MGAT4C: variants seen among roughly 807,000 people sequenced by gnomAD.
MGAT4C encodes MGAT4 family member C.
A neutral mutation model predicts 40.1 loss-of-function variants in MGAT4C; 19 were observed. The observed-to-expected ratio is 0.47, with a 90% confidence interval of 0.33 to 0.70. The LOEUF is 0.70. Among genes scored for constraint, MGAT4C ranks in the 30% least tolerant of loss-of-function variants. MGAT4C has a pLI of 0.02. For missense variants in MGAT4C, 491 were observed against 563.2 expected (o/e 0.87, Z 1.30); for synonymous variants, 181 against 187.1 (o/e 0.97, Z 0.27).
intron 2 of MGAT4C, among the ~76,000 whole-genome samples, chr12:86,544,300 TA>T (rs1194664420): frequency 6.6e-6 from 1 of 152,170 alleles, no homozygotes; most frequent in Non-Finnish European, 1.5e-5. Flanking sequence ...GTTTGATTAT[TA>T]TTTTTTGGAA....
In MGAT4C at chr12:86,717,970, C is replaced by T. The variant is rs142205684; in HGVS notation, c.-229+9239G>A. On this transcript the variant is annotated intron_variant, in intron 2 of 7. Transcript: ENST00000548651. ...TATCCTTTCTGAAAATTTATGTTAA[C>T]CAGTTATTTTAATCAGGAGGAATTT... Among the ~76,000 whole-genome samples the T allele has an allele frequency of 3.3e-5, 5 of 152,090 alleles. No homozygotes were observed. In the East Asian group the frequency reaches 9.6e-4, roughly 29 times the overall value.
At chr12:86,753,566 C>T (rs1027177649) in intron 1 of MGAT4C, among the ~76,000 whole-genome samples, 1 of 151,916 alleles carries the variant, frequency 6.6e-6, no homozygotes, top group Non-Finnish European at 1.5e-5. Context: ...GTTAGGGTCA[C>T]CAGCCCGAGA....
At chr12:86,026,009 T>C (rs1186969940) in intron 2 of MGAT4C, among the ~76,000 whole-genome samples, 1 of 151,836 alleles carries the variant, frequency 6.6e-6, no homozygotes, top group Non-Finnish European at 1.5e-5. Context: ...TTAATACTTA[T>C]AATACTATAG....
At chr12:86,729,278 G>A (rs1008039945) in intron 1 of MGAT4C, among the ~76,000 whole-genome samples, 2 of 152,070 alleles carry the variant, frequency 1.3e-5, no homozygotes, top group African/African-American at 2.4e-5. Context: ...TTACCCTGGT[G>A]TGATTATTAT....
intron 1 of MGAT4C, among the ~76,000 whole-genome samples, chr12:86,806,352 A>G (rs1446860962): frequency 2.0e-5 from 3 of 152,038 alleles, no homozygotes; most frequent in Admixed American, 1.3e-4. Flanking sequence ...TTTGCAAACT[A>G]TATTATAAAA....
At chr12:86,473,880 T>C (rs930546918) in intron 2 of MGAT4C, among the ~76,000 whole-genome samples, 1 of 152,106 alleles carries the variant, frequency 6.6e-6, no homozygotes, top group African/African-American at 2.4e-5. Flanking sequence ...TCACAAAATC[T>C]GACTATGGAG....
chr12:86,144,063 C>G (rs1222398385), intron 1 of MGAT4C, among the ~76,000 whole-genome samples: 1 of 152,132 alleles, frequency 6.6e-6, no homozygotes, highest in Non-Finnish European at 1.5e-5. Flanking sequence ...ACGTGGTTTG[C>G]TGAAGAGGGA....
At chr12:86,598,195 A>G (rs1467010773) in intron 2 of MGAT4C, among the ~76,000 whole-genome samples, 1 of 152,096 alleles carries the variant, frequency 6.6e-6, no homozygotes, top group Non-Finnish European at 1.5e-5. Flanking sequence ...TTCTTTAAAG[A>G]TTTTTACTTA....
intron 2 of MGAT4C, among the ~76,000 whole-genome samples, chr12:86,563,827 A>C (rs1959973127): frequency 1.3e-5 from 2 of 152,148 alleles, no homozygotes; most frequent in Admixed American, 1.3e-4. Flanking sequence ...CTGAGGTCTG[A>C]CTTACAGTGG....
intron 2 of MGAT4C, among the ~76,000 whole-genome samples, chr12:86,527,045 C>T (rs1392371649): frequency 1.3e-5 from 2 of 152,166 alleles, no homozygotes; most frequent in Non-Finnish European, 2.9e-5. Context: ...TTCCCTCTGT[C>T]CACTCTTGGT....
intron 1 of MGAT4C, among the ~76,000 whole-genome samples, chr12:86,200,225 C>T (rs572418649): frequency 7.6e-6 from 1 of 131,236 alleles, no homozygotes; most frequent in African/African-American, 3.0e-5. Context: ...GATTTTATTA[C>T]TGAATGTATT....
At chr12:86,439,031 G>A (rs1957184311) in intron 2 of MGAT4C, among the ~76,000 whole-genome samples, 3 of 151,686 alleles carry the variant, frequency 2.0e-5, no homozygotes, top group African/African-American at 7.3e-5. Flanking sequence ...TGATAGAAGC[G>A]ATTTCAACAC....
chr12:85,964,163 C>T lies in MGAT4C; in HGVS notation c.*15126G>A, dbSNP rs1883245147. The T allele has an allele frequency of 6.6e-6, 1 of 151,766 alleles. No individual in the cohort carries two copies. Among genetic ancestry groups the T allele is most frequent in the Non-Finnish European group, 1.5e-5 (1 of 67,862 alleles). 9.4% of individuals were successfully genotyped at this position (151,766 alleles called of 1,614,324 possible). A position where few individuals can be genotyped will look rare whatever the true frequency, so the allele number is the denominator to read the frequency against. On this transcript the variant is annotated 3_prime_UTR_variant, in exon 5 of 5. Transcript: ENST00000611864. ...AAAATTATGAAAGATTATAAAACAC[C>T]AATGATTAGATTATGTTATAAAGAC...
intron 3 of MGAT4C, among the ~76,000 whole-genome samples, chr12:86,407,045 G>T (rs1956488215): frequency 6.6e-6 from 1 of 152,078 alleles, no homozygotes; most frequent in Non-Finnish European, 1.5e-5. Flanking sequence ...GGCTTCCCAT[G>T]ATTTCCCCTA....
At chr12:86,799,390 T>TA (rs1207877673) in intron 1 of MGAT4C, among the ~76,000 whole-genome samples, 2 of 151,896 alleles carry the variant, frequency 1.3e-5, no homozygotes, top group East Asian at 3.9e-4. Context: ...AATAGTGCTT[T>TA]AAAATCTCAG....
At chr12:86,634,874 C>T (rs918219744) in intron 2 of MGAT4C, among the ~76,000 whole-genome samples, 1 of 152,128 alleles carries the variant, frequency 6.6e-6, no homozygotes, top group Non-Finnish European at 1.5e-5. Flanking sequence ...GTTCAGCCTT[C>T]ATGAAAAGAA....
intron 3 of MGAT4C, among the ~76,000 whole-genome samples, chr12:85,989,021 A>G (rs958277680): frequency 6.6e-6 from 1 of 152,046 alleles, no homozygotes; most frequent in African/African-American, 2.4e-5. Context: ...TTTCAGTGAT[A>G]ATATAGAAAA....
At chr12:86,005,449 A>C (rs1473231763) in intron 2 of MGAT4C, among the ~76,000 whole-genome samples, 1 of 152,212 alleles carries the variant, frequency 6.6e-6, no homozygotes, top group Non-Finnish European at 1.5e-5. Context: ...ATGTGTATAG[A>C]ATCTGAGTTA....
upstream of MGAT4C, among the ~76,000 whole-genome samples, chr12:86,256,750 A>G (rs1429330388): frequency 1.3e-5 from 2 of 152,206 alleles, no homozygotes; most frequent in African/African-American, 4.8e-5. Flanking sequence ...AGATGTATGT[A>G]ATCATAACAT....
Sources: allele counts gnomAD v4.1 joint callset (sites outside exome capture counted in the v4.1 genomes callset), GRCh38; gene constraint gnomAD v4.1.1; transcripts MANE v1.5; gene names NCBI Gene and HGNC (gene_info 2026-07-23, HGNC 2026-07-21).